PAX2: variants seen among roughly 807,000 people sequenced by gnomAD.
PAX2 encodes paired box 2, also known as paired box protein Pax-2.
Under a neutral mutation model 41.7 loss-of-function variants are expected in PAX2, and 9 were observed. The ratio of observed to expected loss-of-function variants is 0.22; its 90% CI spans 0.13 to 0.38. The LOEUF is 0.38. PAX2 is among the 10% of genes least tolerant of loss of function. PAX2 has a pLI of 1.00. For synonymous variants in PAX2, 221 were observed against 212.7 expected, an observed-to-expected ratio of 1.04 and a Z score of -0.34; for missense variants, 418 against 531.6, an observed-to-expected ratio of 0.79 and a Z score of 2.10.
intron 3 of PAX2, among the ~76,000 whole-genome samples, chr10:100,778,310 A>G (rs1846474692): frequency 6.6e-6 from 1 of 152,222 alleles, no homozygotes; most frequent in African/African-American, 2.4e-5. Context: ...CTTCTTCCGC[A>G]GTTCCCTCTC....
intron 5 of PAX2, among the ~76,000 whole-genome samples, chr10:100,797,316 C>T (rs1422845198): frequency 6.6e-6 from 1 of 152,252 alleles, no homozygotes; most frequent in African/African-American, 2.4e-5. Context: ...TACCTAATCT[C>T]TCTATCCCTC....
At chr10:100,802,878 C>T (rs1175989762) in intron 5 of PAX2, among the ~76,000 whole-genome samples, 1 of 152,156 alleles carries the variant, frequency 6.6e-6, no homozygotes, top group Non-Finnish European at 1.5e-5. Context: ...TCGGCTTCTG[C>T]TTCCACCTCT....
At position 100,829,321 on chromosome 10, in the gene PAX2, C is replaced by T. The variant is rs575834990; in HGVS notation, c.*1702C>T. 2.2e-5 allele frequency: 5 copies of T among 225,770 alleles called. No individual in the cohort carries two copies. The South Asian group carries it at 9.2e-4, about 41-fold the overall frequency. 14.0% of individuals were successfully genotyped at this position (225,770 alleles called of 1,614,324 possible). On this transcript the variant is annotated 3_prime_UTR_variant, in exon 10 of 10. Transcript: ENST00000355243. ...TGTCTGTCTGTCTCTGCTCTTTCCT[C>T]GGCCTCTCTCCCCAGACCTGGCCCG...
chr10:100,821,345 T>A (rs766845488), intron 7 of PAX2, among the ~76,000 whole-genome samples: 5 of 152,216 alleles, frequency 3.3e-5, no homozygotes, highest in Non-Finnish European at 5.9e-5. Flanking sequence ...AACAGGGTAC[T>A]CCTTTGTGGA....
At chr10:100,825,002 C>A in intron 8 of PAX2, 2 of 1,599,426 alleles carry the variant, frequency 1.3e-6, no homozygotes, top group South Asian at 1.1e-5. Context: ...ATGGCCCCTC[C>A]ACAGCGCCCA....
chr10:100,795,364 A>C (rs1338421278), intron 5 of PAX2, among the ~76,000 whole-genome samples: 1 of 152,216 alleles, frequency 6.6e-6, no homozygotes. Flanking sequence ...TCATTATATA[A>C]TCAGAATGTG....
intron 3 of PAX2, among the ~76,000 whole-genome samples, chr10:100,756,258 G>A (rs894765166): frequency 1.3e-5 from 2 of 152,092 alleles, no homozygotes; most frequent in African/African-American, 4.8e-5. Flanking sequence ...CTTCTTAGCA[G>A]GACTGATGAA....
At chr10:100,807,700 A>T (rs143457859) in intron 6 of PAX2, among the ~76,000 whole-genome samples, 6 of 152,142 alleles carry the variant, frequency 3.9e-5, no homozygotes, top group African/African-American at 1.4e-4. Flanking sequence ...CCGCTCCCAC[A>T]CAGGGGCACA....
chr10:100,810,383 G>A (rs967063301), intron 7 of PAX2, among the ~76,000 whole-genome samples: 1 of 152,158 alleles, frequency 6.6e-6, no homozygotes, highest in African/African-American at 2.4e-5. Context: ...GGGCTGTACT[G>A]GTACAACTGT....
In PAX2 at chr10:100,750,362, C is replaced by T. The variant is rs1342863499; in HGVS notation, c.213-332C>T. Among the ~76,000 whole-genome samples, 3 of 152,268 alleles carry T rather than the reference C, an allele frequency of 2.0e-5. No individual in the cohort carries two copies. Among genetic ancestry groups the T allele is most frequent in the African/African-American group, 2.4e-5 (1 of 41,562 alleles). The stretch of plus-strand genomic sequence containing the variant: ...AAGGGCTCGAGGTGGTGCCTCAACC[C>T]TGGCCTCCCAGAGACCTTGCAGCGC... On this transcript the variant is annotated intron_variant, in intron 2 of 9. Transcript: ENST00000355243. The surrounding 1 kb of genome is among the most constrained non-coding windows in gnomAD (Gnocchi z 4.1).
intron 1 of PAX2, 71 bp downstream of exon 1, chr10:100,746,374 GCCC>G: frequency 9.2e-7 from 1 of 1,086,830 alleles, no homozygotes; most frequent in Non-Finnish European, 1.4e-6. Context: ...TCCCAGCGTG[GCCC>G]CGGCCCCTCG....
At chr10:100,820,669 G>A (rs1262073115) in intron 7 of PAX2, among the ~76,000 whole-genome samples, 1 of 152,186 alleles carries the variant, frequency 6.6e-6, no homozygotes, top group Non-Finnish European at 1.5e-5. Context: ...AGCCGAGATC[G>A]CACCACTGCA....
intron 7 of PAX2, among the ~76,000 whole-genome samples, chr10:100,814,351 CAAA>C (rs11458573): frequency 1.9e-5 from 1 of 53,722 alleles, no homozygotes; most frequent in African/African-American, 8.9e-5. Flanking sequence ...GACTCCATCT[CAAA>C]AAAAAAAAAA....
chr10:100,748,213 C>T lies in PAX2; in HGVS notation c.44-1533C>T, dbSNP rs1003166519. On this transcript the variant is annotated intron_variant, in intron 1 of 9. Coordinates refer to ENST00000355243, the MANE Select transcript of PAX2 (RefSeq NM_000278.5). This position sits in a 1 kb window ranked among gnomAD's most constrained non-coding sequence, Gnocchi z 5.0. ...CTGAATTATTCATCTTTAATCTGCC[C>T]GCAGCTGCCGCCTTTTCATACCGGT... The T allele has an allele frequency of 3.0e-6, 3 of 984,992 alleles. No individual in the cohort carries two copies. The highest frequency in any genetic ancestry group is 3.5e-5 in the African/African-American group (2 of 57,178). The allele number at this position is 984,992 out of a possible 1,614,324, so 61.0% of individuals were successfully genotyped here.
At chr10:100,744,118 G>T (rs1301231661), upstream of PAX2, among the ~76,000 whole-genome samples, 1 of 152,228 alleles carries the variant, frequency 6.6e-6, no homozygotes, top group African/African-American at 2.4e-5. Flanking sequence ...TAGTAGTTAG[G>T]CTGAGTCAGG....
intron 5 of PAX2, among the ~76,000 whole-genome samples, chr10:100,800,334 A>T (rs771602043): frequency 7.5e-6 from 1 of 134,200 alleles, no homozygotes; most frequent in East Asian, 2.1e-4. Flanking sequence ...GGCTGAATGC[A>T]GTGGCACTAT....
At chr10:100,780,776 C>T (rs1310250799) in intron 4 of PAX2, among the ~76,000 whole-genome samples, 1 of 152,094 alleles carries the variant, frequency 6.6e-6, no homozygotes, top group Non-Finnish European at 1.5e-5. Context: ...AAGACTCAGC[C>T]CAGGAGACTG....
chr10:100,786,634 G>C (rs891892720), intron 5 of PAX2, among the ~76,000 whole-genome samples: 10 of 152,194 alleles, frequency 6.6e-5, no homozygotes, highest in African/African-American at 2.4e-4. Flanking sequence ...GGGTGTGACT[G>C]TGTGAGCGGG....
chr10:100,735,584 T>A, exon 1 of PAX2: 1 of 771,186 alleles, frequency 1.3e-6, no homozygotes, highest in Non-Finnish European at 1.6e-6. Flanking sequence ...AGCCGCTTGG[T>A]GTTGGGTGGC....
Sources: gnomAD v4.1 joint callset for allele counts (sites outside exome capture counted in the v4.1 genomes callset) on GRCh38, gnomAD v4.1.1 for gene constraint, Gnocchi (gnomAD v3.1) non-coding constraint, MANE v1.5 for transcripts, NCBI Gene and HGNC (gene_info 2026-07-23, HGNC 2026-07-21) for gene names.